The following CIC variants were observed in gnomAD, a reference collection of about 807,000 sequenced individuals.
The protein encoded by CIC is capicua transcriptional repressor.
CIC carries 18 observed loss-of-function variants against 115.7 expected under a neutral mutation model. The ratio of observed to expected loss-of-function variants is 0.16; its 90% CI spans 0.11 to 0.23. The LOEUF (loss-of-function observed/expected upper bound fraction) is 0.23. Ranked by LOEUF, CIC falls within the 10% of genes least tolerant of loss-of-function variation. The probability of loss-of-function intolerance (pLI) is 1.00; values close to 1 mark genes in which losing one functional copy is unlikely to be tolerated. For synonymous variants in CIC, 1,076 were observed against 923.0 expected, an observed-to-expected ratio of 1.17 and a Z score of -3.01; for missense variants, 2,000 against 2,159.3, an observed-to-expected ratio of 0.93 and a Z score of 1.46.
rs1398111181 is a variant in CIC, at chr19:42,280,189, CCCA to C, written c.2794+5614_2794+5616del. The C allele has an allele frequency of 3.3e-5, 5 of 152,260 alleles. No homozygotes were observed. The East Asian group carries it at 9.7e-4, about 29-fold the overall frequency. 9.4% of individuals were successfully genotyped at this position (152,260 alleles called of 1,614,324 possible). A position where few individuals can be genotyped will look rare whatever the true frequency, so the allele number is the denominator to read the frequency against. ...CCCACCCTATCCCCTGTTCCCGCTC[CCCA>C]CGAGGGCCCGGGCAGGGAACTCCCG... On this transcript the variant is annotated intron_variant, in intron 2 of 20. Transcript: ENST00000681038. The surrounding 1 kb of genome is among the most constrained non-coding windows in gnomAD (Gnocchi z 4.9).
Position 42,284,745 on chromosome 19 carries a change from C to A in CIC, c.2795-2026C>A, listed in dbSNP as rs970360488. 4.5e-6 allele frequency: 7 copies of A among 1,557,508 alleles called. No individual in the cohort carries two copies. In the South Asian group the frequency reaches 8.2e-5, roughly 18 times the overall value. ...AGGCCCCTGATGCCCGCGTCCAGCG[C>A]GGCCTCCCGTGGCCTCGGCATGTTC... On this transcript the variant is annotated intron_variant, in intron 2 of 20. Coordinates refer to ENST00000681038, the MANE Select transcript of CIC (RefSeq NM_001386298.1).
chr19:42,290,475 C>T lies in CIC; in HGVS notation c.4434C>T (p.Gly1478=), dbSNP rs1440151043. 1 of 1,613,790 alleles carries T rather than the reference C, an allele frequency of 6.2e-7. No homozygotes were observed. The highest frequency in any genetic ancestry group is 1.7e-5 in the Admixed American group (1 of 60,012). ...AQESGQGSTA[G]PLRPPPPGAG... The stretch of plus-strand genomic sequence containing the variant: ...AGTCTGGTCAGGGCAGCACAGCGGG[C>T]CCCCTACGGCCCCCACCCCCTGGGG... Residue 1478 remains glycine (G), a synonymous_variant, in exon 11 of 21, where the codon GGC becomes GGT. Coordinates refer to ENST00000681038, the MANE Select transcript of CIC (RefSeq NM_001386298.1).
chr19:42,278,634 C>T (rs2037086984), intron 2 of CIC, among the ~76,000 whole-genome samples: 1 of 152,140 alleles, frequency 6.6e-6, no homozygotes, highest in Non-Finnish European at 1.5e-5. Flanking sequence ...CCTCCTACTC[C>T]CACTCTTTAG....
Position 42,289,966 on chromosome 19 carries a change from C to A in CIC, c.4191+15C>A. ...AGGGCAACAAGGTGAGGGCTTGGGT[C>A]ACGGTGCTGTCCCATCACACTCCCT... is the stretch of plus-strand genomic sequence containing the variant. On this transcript the variant is annotated intron_variant, in intron 10 of 20. Transcript: ENST00000681038. 2 of 1,579,696 alleles carry A rather than the reference C, an allele frequency of 1.3e-6. No individual in the cohort carries two copies. Among genetic ancestry groups the A allele is most frequent in the South Asian group, 2.3e-5 (2 of 88,010 alleles).
rs1489891745 is a variant in CIC at position 42,294,883 on chromosome 19, C to T, written c.7246C>T (p.Leu2416=). The T allele has an allele frequency of 3.1e-6, 5 of 1,600,662 alleles. No homozygotes were observed. Among genetic ancestry groups the T allele is most frequent in the East Asian group, 2.2e-5 (1 of 44,896 alleles). Residue 2416 remains leucine, a synonymous_variant, in exon 21 of 21, where the codon CTG becomes TTG. Transcript: ENST00000681038. ...AGACATCTTTCCCTCCAAGGTTTGTCTGCAGTTGAAGATCCGTGAGGTGCG... is the reference window on the plus strand; with the variant it reads ...AGACATCTTTCCCTCCAAGGTTTGTTTGCAGTTGAAGATCCGTGAGGTGCG... ...YADIFPSKVC[L]QLKIREVRQK...
chr19:42,283,437 G>A (rs1253026424), intron 2 of CIC, among the ~76,000 whole-genome samples: 1 of 152,068 alleles, frequency 6.6e-6, no homozygotes, highest in African/African-American at 2.4e-5. Context: ...GTGTGAGGTT[G>A]TACATCTGTG....
chr19:42,294,137 G>A, intron 18 of CIC, 36 bp from the exon 19 acceptor site: 2 of 1,613,798 alleles, frequency 1.2e-6, no homozygotes, highest in Non-Finnish European at 1.7e-6. Context: ...GGGCAGACTG[G>A]GGCCACCTGC....
At chr19:42,286,569 T>C (rs1239064624) in intron 2 of CIC, among the ~76,000 whole-genome samples, 1 of 151,784 alleles carries the variant, frequency 6.6e-6, no homozygotes, top group Non-Finnish European at 1.5e-5. Flanking sequence ...CTGCTTCTGT[T>C]TTCTTTTTTA....
In CIC at chr19:42,290,710, C is replaced by T. The variant is rs750875446; in HGVS notation, c.4669C>T (p.Pro1557Ser). ...EEQEGGGARV[P>S]SAPAPSLAYG... ...GCAAGAGGGCGGCGGAGCCAGAGTG[C>T]CCTCCGCCCCCGCCCCATCACTGGC... The change falls in exon 11 of 21, where the codon CCC becomes TCC. Residue 1557 changes from proline to serine, a missense_variant. Coordinates refer to ENST00000681038, the MANE Select transcript of CIC (RefSeq NM_001386298.1). 6.2e-6 allele frequency: 10 copies of T among 1,612,532 alleles called. No individual in the cohort carries two copies. Among genetic ancestry groups the T allele is most frequent in the Admixed American group, 5.0e-5 (3 of 60,006 alleles).
rs537058227 is a variant in CIC at position 42,295,289 on chromosome 19, C to T, written c.*98C>T. The T allele has an allele frequency of 3.1e-5, 35 of 1,119,214 alleles. No homozygotes were observed. The highest frequency in any genetic ancestry group is 2.1e-4 in the Middle Eastern group (1 of 4,738). The allele number at this position is 1,119,214 out of a possible 1,614,324, so 69.3% of individuals were successfully genotyped here. On this transcript the variant is annotated 3_prime_UTR_variant, in exon 21 of 21. Coordinates refer to ENST00000681038, the MANE Select transcript of CIC (RefSeq NM_001386298.1). ...TATCTCCTCCCGGGTAAAGCCATTT[C>T]GTCCTCTCCAGTTTGGGGCGGAATG...
At chr19:42,286,562 C>T (rs903443837) in intron 2 of CIC, among the ~76,000 whole-genome samples, 1 of 147,548 alleles carries the variant, frequency 6.8e-6, no homozygotes, top group South Asian at 2.1e-4. Context: ...CCCTTCCCTG[C>T]TTCTGTTTTC....
rs754780984 is a variant in CIC at position 42,291,656 on chromosome 19, G to A, written c.5524G>A (p.Val1842Met). Residue 1842 changes from valine (V) to methionine (M), a missense_variant, in exon 12 of 21, where the codon GTG becomes ATG. Transcript: ENST00000681038. ...LVPLAAPSMS[V>M]RGGGAGQPLP... ...GCCTCTGGCCGCCCCTAGCATGTCA[G>A]TGCGGGGTGGAGGGGCCGGCCAGCC... 6.2e-7 allele frequency: 1 copy of A among 1,613,018 alleles called. No homozygotes were observed. Among genetic ancestry groups the A allele is most frequent in the Non-Finnish European group, 8.5e-7 (1 of 1,180,020 alleles).
In CIC at chr19:42,270,835, T is replaced by C. The variant is rs909600285; in HGVS notation, c.-10-939T>C. 3.9e-5 allele frequency among the ~76,000 whole-genome samples: 6 copies of C among 152,152 alleles called. No homozygotes were observed. The highest frequency in any genetic ancestry group is 1.4e-4 in the African/African-American group (6 of 41,432). ...CCACTGTGTGATGACGTGTGCGTGC[T>C]TCTGTGCGTGTGTGTGTGTTTGTGC... On this transcript the variant is annotated intron_variant, in intron 1 of 20. Coordinates refer to ENST00000681038, the MANE Select transcript of CIC (RefSeq NM_001386298.1). This position sits in a 1 kb window ranked among gnomAD's most constrained non-coding sequence, Gnocchi z 4.1.
Position 42,274,032 on chromosome 19 carries a change from A to G in CIC, c.2249A>G (p.Asp750Gly). ...AGTGACAGCTTAGACTCTGGTGTGG[A>G]CTCAGTGTCCCACACACCTACACCC... ...PKSDSLDSGV[D>G]SVSHTPTPST... Residue 750 changes from aspartate (D) to glycine (G), a missense_variant, in exon 2 of 21, where the codon GAC (aspartate) becomes GGC (glycine). By Grantham distance (94) the Asp-to-Gly change is moderately conservative (BLOSUM62 -1). Transcript: ENST00000681038. 1 of 398,452 alleles carries G rather than the reference A, an allele frequency of 2.5e-6. No homozygotes were observed. Among genetic ancestry groups the G allele is most frequent in the East Asian group, 3.6e-5 (1 of 28,026 alleles). 24.7% of individuals were successfully genotyped at this position (398,452 alleles called of 1,614,324 possible).
rs988314394 is a variant in CIC at position 42,290,064 on chromosome 19, G to C, written c.4191+113G>C. ...GATTAAGGTCCAGAGAGGGCAAGCT[G>C]CTTGCCCCGTGGGGAGTTGGGTCAT... On this transcript the variant is annotated intron_variant, in intron 10 of 20. Coordinates refer to ENST00000681038, the MANE Select transcript of CIC (RefSeq NM_001386298.1). The C allele has an allele frequency of 5.1e-6, 7 of 1,383,076 alleles. No homozygotes were observed. The African/African-American group carries it at 8.5e-5, about 17-fold the overall frequency. The allele number at this position is 1,383,076 out of a possible 1,614,324, so 85.7% of individuals were successfully genotyped here. A position where few individuals can be genotyped will look rare whatever the true frequency, so the allele number is the denominator to read the frequency against.
rs561878472 is a variant in CIC, at chr19:42,286,632, C to A, written c.2795-139C>A. ...TTTTTCCTGAGTGACGTTGCATGGA[C>A]GAGTCCAAGAGGCTCTGGTGTTGGG... On this transcript the variant is annotated intron_variant, in intron 2 of 20. Transcript: ENST00000681038. 9.5e-4 allele frequency: 951 copies of A among 998,822 alleles called. 4 individuals are homozygous for A. The African/African-American group carries it at 0.016, about 17-fold the overall frequency. The allele number at this position is 998,822 out of a possible 1,614,324, so 61.9% of individuals were successfully genotyped here.
chr19:42,292,604 G>A lies in CIC; in HGVS notation c.5941G>A (p.Val1981Met), dbSNP rs781265178. 3.7e-6 allele frequency: 6 copies of A among 1,613,340 alleles called. No homozygotes were observed. Among genetic ancestry groups the A allele is most frequent in the South Asian group, 3.3e-5 (3 of 91,078 alleles). ...ACTGCTGGCTCCCGGTCAGGTGGGC[G>A]TGTCACCTGTGCCCAGTCCCCAGCT... ...APLLAPGQVG[V>M]SPVPSPQLPP... The change falls in exon 15 of 21, where the codon GTG becomes ATG. Residue 1981 changes from valine (V) to methionine (M), a missense_variant. Around this residue, in one of 8 missense-constraint regions of CIC, gnomAD observed 1,466 missense variants for 1,390.4 expected, o/e 1.05. Coordinates refer to ENST00000681038, the MANE Select transcript of CIC (RefSeq NM_001386298.1).
chr19:42,291,223 G>T lies in CIC; in HGVS notation c.5182G>T (p.Ala1728Ser), dbSNP rs766497636. ...CCTGCAACCAGGTGCCCTGGGCAAG[G>T]CTGGGGGAATCACCCAGGTACAGTA... ...GILQPGALGK[A>S]GGITQVQYIL... Residue 1728 changes from alanine (A) to serine (S), a missense_variant, in exon 11 of 21, where the codon GCT becomes TCT. Physicochemically the swap from Ala to Ser is moderately conservative, Grantham distance 99. Around this residue, in one of 8 missense-constraint regions of CIC, gnomAD observed 1,466 missense variants for 1,390.4 expected, o/e 1.05. Coordinates refer to ENST00000681038, the MANE Select transcript of CIC (RefSeq NM_001386298.1). 1.2e-6 allele frequency: 2 copies of T among 1,611,396 alleles called. No individual in the cohort carries two copies. The highest frequency in any genetic ancestry group is 4.5e-5 in the East Asian group (2 of 44,766).
rs1481834572 is a variant in CIC at position 42,289,044 on chromosome 19, T to C, written c.3815T>C (p.Leu1272Pro). ...TTCTCCCACAGCGGGGTACACAGCC[T>C]GGACGGCGGAGAAGTAGACAGTCAG... ...RAFSHSGVHS[L>P]DGGEVDSQAL... Residue 1272 changes from leucine (L) to proline (P), a missense_variant, in exon 8 of 21, where the codon CTG becomes CCG. This residue lies in a region of CIC where 1,466 missense variants were observed against 1,390.4 expected (regional missense o/e 1.05). Coordinates refer to ENST00000681038, the MANE Select transcript of CIC (RefSeq NM_001386298.1). 1 of 1,613,624 alleles carries C rather than the reference T, an allele frequency of 6.2e-7. No individual in the cohort carries two copies. The highest frequency in any genetic ancestry group is 1.3e-5 in the African/African-American group (1 of 74,940).
Sources: allele counts gnomAD v4.1 joint callset (sites outside exome capture counted in the v4.1 genomes callset), GRCh38; gene constraint gnomAD v4.1.1; regional missense constraint gnomAD v4.1.1; non-coding constraint Gnocchi (gnomAD v3.1); transcripts MANE v1.5; gene names NCBI Gene and HGNC (gene_info 2026-07-23, HGNC 2026-07-21).